CDK19: variants seen among roughly 807,000 people sequenced by gnomAD.
CDK19 encodes cyclin-dependent kinase 19.
In CDK19, 20 loss-of-function variants were observed where a neutral mutation model predicts 68.3. That is an observed-to-expected ratio of 0.29 (90% CI 0.21 to 0.43). The LOEUF (loss-of-function observed/expected upper bound fraction) is 0.43. Ranked by LOEUF, CDK19 falls within the 20% of genes least tolerant of loss-of-function variation. CDK19 has a pLI of 1.00. For missense variants in CDK19, 339 were observed against 623.5 expected (o/e 0.54, Z 4.86); for synonymous variants, 221 against 222.8 (o/e 0.99, Z 0.07).
chr6:110,757,306 C>T (rs533774283), intron 1 of CDK19, among the ~76,000 whole-genome samples: 52 of 152,164 alleles, frequency 3.4e-4, no homozygotes, highest in African/African-American at 1.1e-3. Flanking sequence ...TAAAATTCCC[C>T]GATAGTAGCA....
chr6:110,666,261 A>C (rs1053989940), intron 4 of CDK19, among the ~76,000 whole-genome samples: 5 of 132,494 alleles, frequency 3.8e-5, no homozygotes, highest in Non-Finnish European at 8.2e-5. Flanking sequence ...TAAAAAATAC[A>C]AAAAAAAAAA....
intron 6 of CDK19, 144 bp from the exon 7 acceptor site, chr6:110,627,289 T>C (rs556823747): frequency 3.3e-6 from 2 of 603,912 alleles, no homozygotes; most frequent in Non-Finnish European, 5.4e-6. Context: ...TATTGTACTT[T>C]GTATTTTGAC....
intron 1 of CDK19, among the ~76,000 whole-genome samples, chr6:110,804,015 A>G (rs770901704): frequency 2.0e-5 from 3 of 152,142 alleles, no homozygotes; most frequent in Non-Finnish European, 4.4e-5. Flanking sequence ...AAGAAAAGAA[A>G]AGAGAGAAAG....
At chr6:110,783,721 G>A (rs1444462102) in intron 1 of CDK19, among the ~76,000 whole-genome samples, 1 of 151,554 alleles carries the variant, frequency 6.6e-6, no homozygotes, top group Non-Finnish European at 1.5e-5. Context: ...AAACAAAGGA[G>A]TAAATCTTTG....
intron 1 of CDK19, among the ~76,000 whole-genome samples, chr6:110,801,813 A>AC (rs1302577179): frequency 2.0e-5 from 3 of 152,178 alleles, no homozygotes; most frequent in African/African-American, 7.2e-5. Context: ...ACCCAACCTT[A>AC]AAGTTATTTT....
chr6:110,735,408 T>C (rs999233344), intron 2 of CDK19, among the ~76,000 whole-genome samples: 6 of 152,204 alleles, frequency 3.9e-5, no homozygotes, highest in Non-Finnish European at 7.3e-5. Context: ...ATTTATTTAA[T>C]AATTTATTAA....
intron 1 of CDK19, 52 bp downstream of exon 1, chr6:110,814,957 G>A: frequency 1.9e-6 from 3 of 1,593,992 alleles, no homozygotes; most frequent in Non-Finnish European, 2.6e-6. Context: ...CCGCCAGGTC[G>A]CGGGCAGGGC....
intron 4 of CDK19, among the ~76,000 whole-genome samples, chr6:110,661,515 A>G (rs1781618069): frequency 6.6e-6 from 1 of 152,136 alleles, no homozygotes; most frequent in African/African-American, 2.4e-5. Context: ...TCACAGATAC[A>G]AACAGCGCAC....
At chr6:110,699,862 T>G (rs1378116887) in intron 2 of CDK19, among the ~76,000 whole-genome samples, 3 of 152,180 alleles carry the variant, frequency 2.0e-5, no homozygotes, top group Non-Finnish European at 4.4e-5. Flanking sequence ...CATAAGAAAG[T>G]AGACGGCTAA....
chr6:110,770,479 G>C (rs1474653831), intron 1 of CDK19, among the ~76,000 whole-genome samples: 1 of 152,144 alleles, frequency 6.6e-6, no homozygotes, highest in Admixed American at 6.6e-5. Flanking sequence ...TAGTATGGGG[G>C]AAACTGCTCC....
intron 4 of CDK19, chr6:110,646,491 G>T: frequency 7.0e-7 from 1 of 1,436,634 alleles, no homozygotes; most frequent in Non-Finnish European, 9.2e-7. Flanking sequence ...AGCTCGTTCT[G>T]TGCCAGCGTG....
rs185538032 is a variant in CDK19 at position 110,685,659 on chromosome 6, A to G, written c.205-15118T>C. On this transcript the variant is annotated intron_variant, in intron 2 of 12. Coordinates refer to ENST00000368911, the MANE Select transcript of CDK19 (RefSeq NM_015076.5). ...GACATCAGAATATCTTCCTAAGATA[A>G]AAAGTCTGATAAATTGTTAACTCTC... is the stretch of plus-strand genomic sequence containing the variant. 3.3e-5 allele frequency among the ~76,000 whole-genome samples: 5 copies of G among 152,348 alleles called. No individual in the cohort carries two copies. The East Asian group carries it at 9.6e-4, about 29-fold the overall frequency.
intron 1 of CDK19, among the ~76,000 whole-genome samples, chr6:110,789,195 CCTTTA>C (rs1781435368): frequency 6.6e-6 from 1 of 152,086 alleles, no homozygotes; most frequent in Admixed American, 6.6e-5. Flanking sequence ...CAGTACTATA[CCTTTA>C]CATTTGTTTA....
Position 110,780,388 on chromosome 6 carries a change from C to CAA in CDK19, c.129-34189_129-34188dup, listed in dbSNP as rs57316757. On this transcript the variant is annotated intron_variant, in intron 1 of 12. Coordinates refer to ENST00000368911, the MANE Select transcript of CDK19 (RefSeq NM_015076.5). ...CTGATGACAGAGTGACACTCTGTCT[C>CAA]AAAAAAAAAAAAAAAAAAAGTCACA... 8.1e-4 allele frequency among the ~76,000 whole-genome samples: 54 copies of CAA among 67,022 alleles called. No individual in the cohort carries two copies. In the South Asian group the frequency reaches 0.011, roughly 14 times the overall value. The allele number at this position is 67,022 out of a possible 152,430, so 44.0% of individuals were successfully genotyped here.
chr6:110,676,713 A>T (rs1434652781), intron 2 of CDK19, among the ~76,000 whole-genome samples: 1 of 152,206 alleles, frequency 6.6e-6, no homozygotes, highest in East Asian at 1.9e-4. Flanking sequence ...TTTAATTAAG[A>T]TATATACATT....
chr6:110,693,262 A>G (rs773692199), intron 2 of CDK19, among the ~76,000 whole-genome samples: 1 of 152,224 alleles, frequency 6.6e-6, no homozygotes, highest in Non-Finnish European at 1.5e-5. Flanking sequence ...CTGCAGTTCC[A>G]AAAGTGTGAG....
intron 5 of CDK19, among the ~76,000 whole-genome samples, chr6:110,633,404 A>C (rs73763398): frequency 0.027 from 4,157 of 152,336 alleles, 83 homozygotes; most frequent in Middle Eastern, 0.048. Flanking sequence ...GGAATTGGCT[A>C]TGGTAGGAGT....
Position 110,742,339 on chromosome 6 carries a change from G to C in CDK19, c.204+3787C>G, listed in dbSNP as rs374272005. On this transcript the variant is annotated intron_variant, in intron 2 of 12. Coordinates refer to ENST00000368911, the MANE Select transcript of CDK19 (RefSeq NM_015076.5). ...GTCTGTACTTTAATCTCTTAATCCC[G>C]TTATCTTCGTAAGCCAAGAATGTAC... Among the ~76,000 whole-genome samples, 8 of 152,082 alleles carry C rather than the reference G, an allele frequency of 5.3e-5. 1 individual carries two copies. The East Asian group carries it at 1.5e-3, about 29-fold the overall frequency.
At chr6:110,623,908 TAC>T (rs1278172081) in intron 8 of CDK19, among the ~76,000 whole-genome samples, 8 of 132,708 alleles carry the variant, frequency 6.0e-5, no homozygotes, top group South Asian at 4.8e-4. Context: ...TATATATATA[TAC>T]GTATATATAT....
Sources: allele counts gnomAD v4.1 joint callset (sites outside exome capture counted in the v4.1 genomes callset), GRCh38; gene constraint gnomAD v4.1.1; transcripts MANE v1.5; gene names NCBI Gene and HGNC (gene_info 2026-07-23, HGNC 2026-07-21).